The following DYRK1B variants were observed in gnomAD, a reference collection of about 807,000 sequenced individuals.
DYRK1B encodes dual specificity tyrosine phosphorylation regulated kinase 1B.
DYRK1B carries 20 observed loss-of-function variants against 57.1 expected under a neutral mutation model. The observed-to-expected ratio is 0.35, with a 90% CI of 0.25 to 0.51. The LOEUF is 0.51. Ranked by LOEUF, DYRK1B falls within the 20% of genes least tolerant of loss-of-function variation. The probability of loss-of-function intolerance (pLI) is 0.96; values close to 1 mark genes in which losing one functional copy is unlikely to be tolerated. For missense variants in DYRK1B, 732 were observed against 886.3 expected (o/e 0.83, Z 2.21); for synonymous variants, 409 against 384.7 (o/e 1.06, Z -0.74).
At position 39,825,689 on chromosome 19, in the gene DYRK1B, G is replaced by A. The variant is rs551966789; in HGVS notation, c.*26C>T. On this transcript the variant is annotated 3_prime_UTR_variant, in exon 11 of 11. Coordinates refer to ENST00000323039, the MANE Select transcript of DYRK1B (RefSeq NM_004714.3). The stretch of plus-strand genomic sequence containing the variant: ...CCAGATGGGGGAGGGTATGGCTTCA[G>A]GAGGGGCCCCAGGGAGGGGGCAGGG... 5.4e-5 allele frequency: 83 copies of A among 1,540,838 alleles called. No homozygotes were observed. The Middle Eastern group carries it at 6.6e-4, about 12-fold the overall frequency.
At chr19:39,831,698 G>T in intron 2 of DYRK1B, 107 bp downstream of exon 2, 1 of 1,386,780 alleles carries the variant, frequency 7.2e-7, no homozygotes, top group Non-Finnish European at 1.0e-6. Flanking sequence ...CCCATTATGT[G>T]CCCAGAAGAA....
intron 6 of DYRK1B, 41 bp from the exon 7 acceptor site, chr19:39,827,697 C>T: frequency 6.3e-7 from 1 of 1,594,684 alleles, no homozygotes; most frequent in Non-Finnish European, 8.6e-7. Flanking sequence ...GCCTCCCCTA[C>T]TGGTCCCACT....
At chr19:39,831,716 G>A in intron 2 of DYRK1B, 89 bp downstream of exon 2, 2 of 1,494,488 alleles carry the variant, frequency 1.3e-6, no homozygotes, top group Non-Finnish European at 1.8e-6. Flanking sequence ...GAATGTCTTG[G>A]GCAACCACAC....
intron 2 of DYRK1B, 142 bp downstream of exon 2, chr19:39,831,663 T>G: frequency 9.2e-7 from 1 of 1,082,214 alleles, no homozygotes. Context: ...TGAAAACTCC[T>G]CTGTTATTTT....
At position 39,831,840 on chromosome 19, in the gene DYRK1B, A is replaced by G. The variant is rs1968828469; in HGVS notation, c.28T>C (p.Phe10Leu). Residue 10 changes from phenylalanine (F) to leucine (L), a missense_variant, in exon 2 of 11, where the codon TTC becomes CTC. Coordinates refer to ENST00000323039, the MANE Select transcript of DYRK1B (RefSeq NM_004714.3). MAVPPGHGP[F>L]SGFPGPQEHT... The stretch of plus-strand genomic sequence containing the variant: ...TCCTGGGGCCCTGGGAAGCCAGAGA[A>G]GGGACCATGGCCCGGTGGGACGGCC... The G allele has an allele frequency of 2.6e-6, 4 of 1,539,026 alleles. No homozygotes were observed. Among genetic ancestry groups the G allele is most frequent in the Non-Finnish European group, 3.5e-6 (4 of 1,140,996 alleles).
At chr19:39,833,025 C>T in intron 1 of DYRK1B, 1 of 985,354 alleles carries the variant, frequency 1.0e-6, no homozygotes, top group Non-Finnish European at 1.2e-6. Flanking sequence ...TGTGTCCACT[C>T]CTAGAGGGCC....
Position 39,825,842 on chromosome 19 carries a change from G to T in DYRK1B, c.1763C>A (p.Ala588Asp). 1.9e-6 allele frequency: 3 copies of T among 1,609,708 alleles called. No individual in the cohort carries two copies. The highest frequency in any genetic ancestry group is 1.7e-6 in the Non-Finnish European group (2 of 1,178,424). The part of the protein sequence containing the change: ...PHPAPAPQHP[A>D]ASALRTRMTG... ...CATCCGAGTCCGGAGGGCTGAGGCA[G>T]CCGGGTGCTGGGGGGCAGGCGCTGG... Residue 588 changes from alanine to aspartate, a missense_variant, in exon 11 of 11, where the codon GCT (alanine) becomes GAT (aspartate). By Grantham distance (126) the Ala-to-Asp change is moderately radical. Around this residue, in one of 2 missense-constraint regions of DYRK1B, gnomAD observed 222 missense variants for 205.0 expected, o/e 1.08. Transcript: ENST00000323039.
At chr19:39,830,178 C>T in intron 4 of DYRK1B, 151 bp from the exon 5 acceptor site, 1 of 1,174,310 alleles carries the variant, frequency 8.5e-7, no homozygotes, top group Non-Finnish European at 1.2e-6. Flanking sequence ...GGTGTAAACA[C>T]TGGATGTGAA....
At chr19:39,830,212 G>C in intron 4 of DYRK1B, 163 bp downstream of exon 4, 1 of 1,150,362 alleles carries the variant, frequency 8.7e-7, no homozygotes, top group Non-Finnish European at 1.2e-6. Flanking sequence ...CTTATGTTGA[G>C]TCTTGTTATT....
At position 39,831,890 on chromosome 19, in the gene DYRK1B, G is replaced by A. The variant is rs1340019328; in HGVS notation, c.-23C>T. On this transcript the variant is annotated 5_prime_UTR_variant, in exon 2 of 11. Transcript: ENST00000323039. The stretch of plus-strand genomic sequence containing the variant: ...CATGGTGGGCTCAGAGGGCCGCAGG[G>A]GAGCGAGGCCTGGAGCGGGAGCCCG... The A allele has an allele frequency of 6.8e-7, 1 of 1,465,690 alleles. No individual in the cohort carries two copies. Among genetic ancestry groups the A allele is most frequent in the East Asian group, 2.6e-5 (1 of 37,798 alleles). 90.8% of individuals were successfully genotyped at this position (1,465,690 alleles called of 1,614,324 possible).
intron 3 of DYRK1B, 23 bp from the exon 4 acceptor site, chr19:39,830,586 G>A (rs745796756): frequency 1.9e-6 from 3 of 1,614,046 alleles, no homozygotes; most frequent in South Asian, 1.1e-5. Context: ...CCAGCCAGGA[G>A]ATGGGGACTG....
At position 39,827,438 on chromosome 19, in the gene DYRK1B, A is replaced by G. The variant is rs1260396361; in HGVS notation, c.955-13T>C. The G allele has an allele frequency of 6.2e-7, 1 of 1,609,998 alleles. No individual in the cohort carries two copies. The highest frequency in any genetic ancestry group is 8.5e-7 in the Non-Finnish European group (1 of 1,176,722). Reference sequence around the variant, plus strand: ...TCATCTGGTCGACCTGTGAGCAGGCAGGGGTCAAGGTCATCAGGCCAGCCA... The same window carrying G: ...TCATCTGGTCGACCTGTGAGCAGGCGGGGGTCAAGGTCATCAGGCCAGCCA... On this transcript the variant is annotated splice_polypyrimidine_tract_variant and intron_variant, in intron 7 of 10. Coordinates refer to ENST00000323039, the MANE Select transcript of DYRK1B (RefSeq NM_004714.3).
chr19:39,828,444 C>G lies in DYRK1B; in HGVS notation c.660G>C (p.Gln220His). 1 of 1,613,944 alleles carries G rather than the reference C, an allele frequency of 6.2e-7. No individual in the cohort carries two copies. Among genetic ancestry groups the G allele is most frequent in the Non-Finnish European group, 8.5e-7 (1 of 1,179,938 alleles). Residue 220 changes from glutamine (Q) to histidine (H), a missense_variant, in exon 6 of 11, where the codon CAG becomes CAC. This residue lies in a region of DYRK1B where 510 missense variants were observed against 681.3 expected (regional missense o/e 0.75). Transcript: ENST00000323039. The surrounding 1 kb of genome is among the most constrained non-coding windows in gnomAD (Gnocchi z 4.3). The stretch of plus-strand genomic sequence containing the variant: ...CCAGAAAGAGCAGTGCCGTGCAGAG[C>G]TGCTGCGCCAGCTTCCGGGTCAGGT... ...SLNLTRKLAQ[Q>H]LCTALLFLAT...
chr19:39,826,004 G>A lies in DYRK1B; in HGVS notation c.1601C>T (p.Ser534Leu). 1 of 1,522,992 alleles carries A rather than the reference G, an allele frequency of 6.6e-7. No individual in the cohort carries two copies. The highest frequency in any genetic ancestry group is 8.8e-7 in the Non-Finnish European group (1 of 1,137,618). The allele number at this position is 1,522,992 out of a possible 1,614,324, so 94.3% of individuals were successfully genotyped here. ...KTHQAPASAS[S>L]LPGTGAQLPP... is the part of the protein sequence containing the mutation. ...TAACTGGGCCCCGGTCCCAGGCAGT[G>A]ACGAGGCAGAGGCAGGGGCTTGATG... The change falls in exon 11 of 11, where the codon TCA (serine) becomes TTA (leucine). Residue 534 changes from serine (S) to leucine (L), a missense_variant. By Grantham distance (145) the Ser-to-Leu change is moderately radical. This residue lies in a region of DYRK1B where 222 missense variants were observed against 205.0 expected (regional missense o/e 1.08). Coordinates refer to ENST00000323039, the MANE Select transcript of DYRK1B (RefSeq NM_004714.3). The surrounding 1 kb of genome is among the most constrained non-coding windows in gnomAD (Gnocchi z 6.3).
chr19:39,828,657 A>C lies in DYRK1B; in HGVS notation c.521-74T>G. On this transcript the variant is annotated intron_variant, in intron 5 of 10. Transcript: ENST00000323039. This position sits in a 1 kb window ranked among gnomAD's most constrained non-coding sequence, Gnocchi z 4.3. ...GGCAGGTGGTGGCCTGGGGTCATAC[A>C]ACGCTCTTTGATTACTAGCCACATT... The C allele has an allele frequency of 6.8e-7, 1 of 1,473,070 alleles. No homozygotes were observed. Among genetic ancestry groups the C allele is most frequent in the South Asian group, 1.3e-5 (1 of 75,612 alleles). The allele number at this position is 1,473,070 out of a possible 1,614,324, so 91.2% of individuals were successfully genotyped here. A position where few individuals can be genotyped will look rare whatever the true frequency, so the allele number is the denominator to read the frequency against.
intron 8 of DYRK1B, 96 bp downstream of exon 8, chr19:39,827,189 G>A: frequency 6.9e-7 from 1 of 1,454,724 alleles, no homozygotes; most frequent in Non-Finnish European, 9.2e-7. Flanking sequence ...GTGGAAGGAA[G>A]GGAAAGACAC....
Position 39,827,495 on chromosome 19 carries a change from T to G in DYRK1B, c.954+15A>C. 1 of 1,612,114 alleles carries G rather than the reference T, an allele frequency of 6.2e-7. No homozygotes were observed. Among genetic ancestry groups the G allele is most frequent in the Middle Eastern group, 1.7e-4 (1 of 6,052 alleles). On this transcript the variant is annotated intron_variant, in intron 7 of 10. Coordinates refer to ENST00000323039, the MANE Select transcript of DYRK1B (RefSeq NM_004714.3). The stretch of plus-strand genomic sequence containing the variant: ...ACCCCCTCCACCTCCAGCACACCCC[T>G]TCCTGGGGGCACACCTCATTGGAGC...
intron 1 of DYRK1B, 120 bp from the exon 2 acceptor site, chr19:39,832,088 C>A: frequency 8.8e-7 from 1 of 1,139,104 alleles, no homozygotes; most frequent in Non-Finnish European, 1.2e-6. Context: ...AAGGGCACAA[C>A]GGAGCAGCAG....
At position 39,826,224 on chromosome 19, in the gene DYRK1B, C is replaced by A. The variant is rs374361360; in HGVS notation, c.1474G>T (p.Gly492Cys). The A allele has an allele frequency of 1.9e-6, 3 of 1,596,316 alleles. No homozygotes were observed. Among genetic ancestry groups the A allele is most frequent in the Admixed American group, 3.6e-5 (2 of 55,040 alleles). The part of the protein sequence containing the change: ...TYRYSNRYCG[G>C]PGPPITDCEM... ...CAGTCTGTGATAGGGGGCCCAGGGC[C>A]CCCACAATATCGGTTGCTGTAGCGG... Residue 492 changes from glycine (G) to cysteine (C), a missense_variant, in exon 10 of 11, where the codon GGC becomes TGC. This residue lies in a region of DYRK1B where 222 missense variants were observed against 205.0 expected (regional missense o/e 1.08). Transcript: ENST00000323039. This position sits in a 1 kb window ranked among gnomAD's most constrained non-coding sequence, Gnocchi z 6.3.
Sources: allele counts gnomAD v4.1 joint callset, GRCh38; gene constraint gnomAD v4.1.1; regional missense constraint gnomAD v4.1.1; non-coding constraint Gnocchi (gnomAD v3.1); transcripts MANE v1.5; gene names NCBI Gene and HGNC (gene_info 2026-07-23, HGNC 2026-07-21).